SEMA6A: variants seen among roughly 807,000 people sequenced by gnomAD.
SEMA6A encodes semaphorin-6A.
SEMA6A carries 25 observed loss-of-function variants against 96.8 expected under a neutral mutation model. The observed-to-expected ratio is 0.26, with a 90% CI of 0.19 to 0.36. The LOEUF is 0.36. Ranked by LOEUF, SEMA6A falls within the 10% of genes least tolerant of loss-of-function variation. SEMA6A has a pLI of 1.00. For missense variants in SEMA6A, 1,363 were observed against 1,323.1 expected (o/e 1.03, Z -0.47); for synonymous variants, 612 against 518.0 (o/e 1.18, Z -2.46).
rs77975485 is a variant in SEMA6A at position 116,505,652 on chromosome 5, A to C, written c.-38-670T>G. Among the ~76,000 whole-genome samples the C allele has an allele frequency of 5.3e-3, 808 of 152,340 alleles. 7 individuals carry two copies. Among genetic ancestry groups the C allele is most frequent in the African/African-American group, 0.018 (748 of 41,576 alleles). On this transcript the variant is annotated intron_variant, in intron 1 of 18. Transcript: ENST00000343348. ...CCTTTCACACTCTGAAGATTACTAC[A>C]AGGAGAATCTGAAACTGCATTCTGA... is the stretch of plus-strand genomic sequence containing the variant.
In SEMA6A at chr5:116,447,132, A is replaced by C. The variant is rs763846003; in HGVS notation, c.2574T>G (p.His858Gln). Residue 858 changes from histidine to glutamine, a missense_variant, in exon 19 of 19, where the codon CAT becomes CAG. This residue lies in a region of SEMA6A where 883 missense variants were observed against 763.6 expected (regional missense o/e 1.16). Transcript: ENST00000343348. ...CATGGTTGGGACTCTTGCTGCTGAGATGTTCCTTGATGGTCTTATACTCCA... is the reference window on the plus strand; with the variant it reads ...CATGGTTGGGACTCTTGCTGCTGAGCTGTTCCTTGATGGTCTTATACTCCA... ...ATLEYKTIKE[H>Q]LSSKSPNHGV... 7 of 1,613,720 alleles carry C rather than the reference A, an allele frequency of 4.3e-6. No individual in the cohort carries two copies.
intron 1 of SEMA6A, among the ~76,000 whole-genome samples, chr5:116,532,513 G>T (rs966414829): frequency 3.3e-5 from 5 of 152,134 alleles, no homozygotes; most frequent in Non-Finnish European, 7.4e-5. Flanking sequence ...AGAGAGGGTA[G>T]CCTGTAACCT....
chr5:116,494,130 C>A (rs1250362164), intron 6 of SEMA6A, among the ~76,000 whole-genome samples: 14 of 152,152 alleles, frequency 9.2e-5, no homozygotes, highest in Admixed American at 9.2e-4. Flanking sequence ...CTATTCTCTT[C>A]CCTTCATCCC....
chr5:116,506,460 T>A (rs976066420), intron 1 of SEMA6A, among the ~76,000 whole-genome samples: 2 of 152,196 alleles, frequency 1.3e-5, no homozygotes, highest in Non-Finnish European at 2.9e-5. Context: ...TAAACATGTA[T>A]TTATTAGACA....
intron 18 of SEMA6A, among the ~76,000 whole-genome samples, chr5:116,451,166 A>G (rs912150924): frequency 6.6e-6 from 1 of 152,204 alleles, no homozygotes; most frequent in Non-Finnish European, 1.5e-5. Flanking sequence ...ACCTAATCTT[A>G]CTGCCTTACT....
chr5:116,495,311 AG>A (rs1278992927), intron 6 of SEMA6A, 101 bp downstream of exon 6: 2 of 782,580 alleles, frequency 2.6e-6, no homozygotes, highest in African/African-American at 3.4e-5. Flanking sequence ...AGAGGAACTC[AG>A]GTGGTGTTGA....
intron 1 of SEMA6A, among the ~76,000 whole-genome samples, chr5:116,531,234 G>C (rs774877321): frequency 6.6e-6 from 1 of 152,154 alleles, no homozygotes; most frequent in Non-Finnish European, 1.5e-5. Context: ...TAGAGAAAAG[G>C]GGTCAATAAA....
At chr5:116,453,501 C>T (rs747660340) in intron 18 of SEMA6A, among the ~76,000 whole-genome samples, 1 of 152,154 alleles carries the variant, frequency 6.6e-6, no homozygotes, top group Non-Finnish European at 1.5e-5. Context: ...TAAAGGAATG[C>T]ATACATGAAT....
chr5:116,509,605 T>TGAGAGA (rs143399883), intron 1 of SEMA6A, among the ~76,000 whole-genome samples: 21,992 of 133,734 alleles, frequency 0.16, 1,773 homozygotes, highest in African/African-American at 0.23. Flanking sequence ...TCTCTGTGTG[T>TGAGAGA]GTGAGAGAGA....
intron 18 of SEMA6A, 121 bp from the exon 19 acceptor site, chr5:116,447,932 T>C (rs1243300447): frequency 2.5e-6 from 2 of 805,466 alleles, no homozygotes; most frequent in South Asian, 3.8e-5. Flanking sequence ...TCTGCACAAC[T>C]TGTCTTCCAA....
intron 1 of SEMA6A, among the ~76,000 whole-genome samples, chr5:116,548,118 C>G (rs764155140): frequency 1.2e-4 from 19 of 152,328 alleles, no homozygotes; most frequent in African/African-American, 4.3e-4. Flanking sequence ...GGCTCCAAAG[C>G]TCTGTGGTAT....
Position 116,475,610 on chromosome 5 carries a change from A to T in SEMA6A, c.1650-7T>A, listed in dbSNP as rs1756406200. 2 of 1,592,866 alleles carry T rather than the reference A, an allele frequency of 1.3e-6. No individual in the cohort carries two copies. Among genetic ancestry groups the T allele is most frequent in the South Asian group, 1.1e-5 (1 of 87,182 alleles). On this transcript the variant is annotated splice_region_variant and splice_polypyrimidine_tract_variant and intron_variant, in intron 15 of 18. Coordinates refer to ENST00000343348, the MANE Select transcript of SEMA6A (RefSeq NM_020796.5). ...GTCCTGCTCAAAAGTCAGTCTTTTA[A>T]AAAAGGAAGGGAAAGAGAGACAGAA...
Position 116,478,062 on chromosome 5 carries a change from A to G in SEMA6A, c.1520T>C (p.Val507Ala). 6.2e-7 allele frequency: 1 copy of G among 1,613,996 alleles called. No homozygotes were observed. The highest frequency in any genetic ancestry group is 8.5e-7 in the Non-Finnish European group (1 of 1,179,868). Residue 507 changes from valine (V) to alanine (A), a missense_variant, in exon 14 of 19, where the codon GTG becomes GCG. By Grantham distance (64) the Val-to-Ala change is moderately conservative (BLOSUM62 0). This residue lies in a region of SEMA6A where 883 missense variants were observed against 763.6 expected (regional missense o/e 1.16). Coordinates refer to ENST00000343348, the MANE Select transcript of SEMA6A (RefSeq NM_020796.5). ...ACACCGGCCAAGGGGAACCTTTATC[A>G]CACAGGTAGAGAACGCAACATACAG... The part of the protein sequence containing the change: ...SSLYVAFSTC[V>A]IKVPLGRCER...
intron 1 of SEMA6A, among the ~76,000 whole-genome samples, chr5:116,522,650 G>A (rs1348015890): frequency 1.3e-5 from 2 of 152,178 alleles, no homozygotes; most frequent in African/African-American, 2.4e-5. Flanking sequence ...AGAATCAGAT[G>A]AGCTCAAAGC....
At chr5:116,544,091 C>T (rs968078437) in intron 1 of SEMA6A, among the ~76,000 whole-genome samples, 1 of 152,194 alleles carries the variant, frequency 6.6e-6, no homozygotes, top group African/African-American at 2.4e-5. Flanking sequence ...TTTGAAGGCT[C>T]ACCTTCCAAC....
At chr5:116,466,484 G>T (rs1187696586) in intron 18 of SEMA6A, among the ~76,000 whole-genome samples, 1 of 152,084 alleles carries the variant, frequency 6.6e-6, no homozygotes, top group Admixed American at 6.6e-5. Context: ...AGACAAAAGG[G>T]GCTCCATCTT....
intron 15 of SEMA6A, 42 bp from the exon 16 acceptor site, chr5:116,475,645 A>G (rs759841988): frequency 2.1e-6 from 3 of 1,422,344 alleles, no homozygotes; most frequent in Non-Finnish European, 1.9e-6. Flanking sequence ...AATGAATACA[A>G]TAACGTGAGT....
At chr5:116,475,504 T>A in intron 16 of SEMA6A, 41 bp downstream of exon 16, 1 of 1,449,038 alleles carries the variant, frequency 6.9e-7, no homozygotes, top group Non-Finnish European at 9.5e-7. Context: ...ACTGAAAGCA[T>A]CTTTGCCCAA....
chr5:116,560,719 G>A lies in SEMA6A; in HGVS notation c.-39+13466C>T, dbSNP rs1282601474. ...TATTTTTATCCCGACCATAAAATAG[G>A]ACTAGAATCCCAAATAAAATCACCT... On this transcript the variant is annotated intron_variant, in intron 1 of 18. Coordinates refer to ENST00000343348, the MANE Select transcript of SEMA6A (RefSeq NM_020796.5). 3.3e-5 allele frequency among the ~76,000 whole-genome samples: 5 copies of A among 152,008 alleles called. No individual in the cohort carries two copies. In the South Asian group the frequency reaches 8.3e-4, roughly 25 times the overall value.
Sources: gnomAD v4.1 joint callset for allele counts (sites outside exome capture counted in the v4.1 genomes callset) on GRCh38, gnomAD v4.1.1 for gene constraint, gnomAD v4.1.1 regional missense constraint, MANE v1.5 for transcripts, NCBI Gene and HGNC (gene_info 2026-07-23, HGNC 2026-07-21) for gene names.